STK32A: variants seen among roughly 807,000 people sequenced by gnomAD.
The protein encoded by STK32A is serine/threonine-protein kinase 32A.
STK32A carries 41 observed loss-of-function variants against 53.2 expected under a neutral mutation model. The ratio of observed to expected loss-of-function variants is 0.77; its 90% CI spans 0.60 to 1.00. The LOEUF is 1.00. Among genes scored for constraint, STK32A ranks in the 50% least tolerant of loss-of-function variants. STK32A has a pLI of 0.00. For missense variants in STK32A, 458 were observed against 485.8 expected (o/e 0.94, Z 0.54); for synonymous variants, 166 against 162.8 (o/e 1.02, Z -0.15).
chr5:147,360,465 AAAG>A (rs1756452235), intron 7 of STK32A, among the ~76,000 whole-genome samples: 1 of 142,738 alleles, frequency 7.0e-6, no homozygotes, highest in African/African-American at 2.8e-5. Flanking sequence ...AAAAAAAAAA[AAAG>A]AAAAAAAAAA....
At chr5:147,267,330 T>C (rs1024736091) in intron 2 of STK32A, among the ~76,000 whole-genome samples, 2 of 152,158 alleles carry the variant, frequency 1.3e-5, no homozygotes, top group Non-Finnish European at 2.9e-5. Context: ...AGTTTCATGC[T>C]CATAGTCACC....
intron 2 of STK32A, among the ~76,000 whole-genome samples, chr5:147,265,257 CA>C (rs1349954405): frequency 4.6e-5 from 7 of 151,680 alleles, no homozygotes; most frequent in Non-Finnish European, 1.0e-4. Context: ...GATTCCACTG[CA>C]AGTCTGTCTG....
the STK32A span, chr5:147,400,981 G>A: frequency 1.8e-6 from 2 of 1,100,930 alleles, no homozygotes; most frequent in Non-Finnish European, 2.5e-6. Flanking sequence ...ATATGAGCTT[G>A]GATGAGTTTC....
chr5:147,334,521 C>A (rs1474558706), intron 5 of STK32A, among the ~76,000 whole-genome samples: 1 of 152,174 alleles, frequency 6.6e-6, no homozygotes, highest in Non-Finnish European at 1.5e-5. Flanking sequence ...TTTCCATAAT[C>A]ATGAATAACA....
chr5:147,239,232 T>G (rs1042714054), intron 1 of STK32A, among the ~76,000 whole-genome samples: 4 of 152,218 alleles, frequency 2.6e-5, no homozygotes, highest in Admixed American at 2.0e-4. Context: ...TCAGCATATT[T>G]TCTCAACAAT....
At chr5:147,359,066 A>G (rs1756382312) in intron 7 of STK32A, among the ~76,000 whole-genome samples, 1 of 152,312 alleles carries the variant, frequency 6.6e-6, no homozygotes, top group Non-Finnish European at 1.5e-5. Flanking sequence ...TTTTCTGAAT[A>G]TATGTATAGA....
intron 1 of STK32A, among the ~76,000 whole-genome samples, chr5:147,236,084 T>C (rs927787459): frequency 6.6e-6 from 1 of 152,210 alleles, no homozygotes; most frequent in South Asian, 2.1e-4. Flanking sequence ...GTTGCAACTT[T>C]CTTGCATCAC....
At chr5:147,244,592 G>C (rs1753708002) in intron 2 of STK32A, among the ~76,000 whole-genome samples, 1 of 152,192 alleles carries the variant, frequency 6.6e-6, no homozygotes, top group African/African-American at 2.4e-5. Context: ...TCTATGAGAA[G>C]AGTCAAAGAG....
intron 2 of STK32A, among the ~76,000 whole-genome samples, chr5:147,242,758 C>T (rs4705138): frequency 0.41 from 62,132 of 151,986 alleles, 12,864 homozygotes; most frequent in Admixed American, 0.45. Flanking sequence ...CTTATTTCTT[C>T]AAAAGATGAT....
intron 4 of STK32A, among the ~76,000 whole-genome samples, chr5:147,301,657 C>T (rs979520638): frequency 1.3e-5 from 2 of 152,136 alleles, no homozygotes; most frequent in African/African-American, 4.8e-5. Context: ...TTTCATCACG[C>T]AGAAATATCT....
chr5:147,248,586 C>T (rs755911916), intron 2 of STK32A, among the ~76,000 whole-genome samples: 1 of 152,044 alleles, frequency 6.6e-6, no homozygotes, highest in Admixed American at 6.5e-5. Context: ...GATGTTGATC[C>T]CCCCATCCTG....
intron 2 of STK32A, among the ~76,000 whole-genome samples, chr5:147,269,622 C>T (rs1351672565): frequency 2.0e-5 from 3 of 152,158 alleles, no homozygotes; most frequent in Non-Finnish European, 4.4e-5. Flanking sequence ...AAGACTTTTA[C>T]TTGATTTTTT....
chr5:147,344,317 A>G (rs925082317), intron 6 of STK32A, among the ~76,000 whole-genome samples: 1 of 152,200 alleles, frequency 6.6e-6, no homozygotes, highest in Non-Finnish European at 1.5e-5. Flanking sequence ...GCTCACTGTC[A>G]TTACTTATTT....
Position 147,373,245 on chromosome 5 carries a change from A to G in STK32A, c.854A>G (p.Asn285Ser). The change falls in exon 10 of 13, where the codon AAC becomes AGC. Residue 285 changes from asparagine (N) to serine (S), a missense_variant. By Grantham distance (46) the Asn-to-Ser change is conservative. Transcript: ENST00000397936. ...AACTTCCCGTATATGAATGATATAA[A>G]CTGGGATGCAGTTTTTCAGAAGAGG... The part of the protein sequence containing the change: ...VQNFPYMNDI[N>S]WDAVFQKRLI... 6.2e-7 allele frequency: 1 copy of G among 1,613,504 alleles called. No homozygotes were observed. Among genetic ancestry groups the G allele is most frequent in the Non-Finnish European group, 8.5e-7 (1 of 1,179,592 alleles).
chr5:147,313,224 G>C (rs762705816), intron 4 of STK32A, among the ~76,000 whole-genome samples: 1 of 152,044 alleles, frequency 6.6e-6, no homozygotes, highest in Non-Finnish European at 1.5e-5. Context: ...TACAGAGAGA[G>C]ACTCCGTCTT....
chr5:147,271,687 G>A (rs1373737789), intron 2 of STK32A, among the ~76,000 whole-genome samples: 6 of 152,092 alleles, frequency 3.9e-5, no homozygotes, highest in Admixed American at 3.3e-4. Context: ...TTCTATGGTT[G>A]AAACTGTAGG....
the STK32A span, among the ~76,000 whole-genome samples, chr5:147,398,251 T>C: frequency 1.3e-5 from 2 of 152,144 alleles, no homozygotes; most frequent in Non-Finnish European, 2.9e-5. Flanking sequence ...GCAAAGGCCA[T>C]TGCCACCAAA....
chr5:147,285,820 G>A (rs1332554297), intron 4 of STK32A, among the ~76,000 whole-genome samples: 1 of 152,088 alleles, frequency 6.6e-6, no homozygotes, highest in African/African-American at 2.4e-5. Flanking sequence ...GCAGTGAACA[G>A]GGAACACTTC....
intron 2 of STK32A, among the ~76,000 whole-genome samples, chr5:147,264,087 C>T (rs2151948298): frequency 6.6e-6 from 1 of 152,074 alleles, no homozygotes; most frequent in South Asian, 2.1e-4. Flanking sequence ...GTCAGCCAAA[C>T]TATTAGTCAA....
Sources: allele counts gnomAD v4.1 joint callset (sites outside exome capture counted in the v4.1 genomes callset), GRCh38; gene constraint gnomAD v4.1.1; transcripts MANE v1.5; gene names NCBI Gene and HGNC (gene_info 2026-07-23, HGNC 2026-07-21).